The following LDB1 variants were observed in gnomAD, a reference collection of about 807,000 sequenced individuals.
The protein encoded by LDB1 is LIM domain binding 1.
A neutral mutation model predicts 49.7 loss-of-function variants in LDB1; 6 were observed. The ratio of observed to expected loss-of-function variants is 0.12; its 90% CI spans 0.07 to 0.24. The LOEUF (loss-of-function observed/expected upper bound fraction) is 0.24, where lower values mean the gene tolerates loss of function less well. Ranked by LOEUF, LDB1 falls within the 10% of genes least tolerant of loss-of-function variation. LDB1 has a pLI of 1.00. For synonymous variants in LDB1, 233 were observed against 202.0 expected (o/e 1.15, Z -1.30); for missense variants, 341 against 561.7 (o/e 0.61, Z 3.97).
Position 102,109,214 on chromosome 10 carries a change from C to T in LDB1, c.857-37G>A, listed in dbSNP as rs761356336. On this transcript the variant is annotated intron_variant, in intron 9 of 10. Transcript: ENST00000673968. This position sits in a 1 kb window ranked among gnomAD's most constrained non-coding sequence, Gnocchi z 5.8. ...AACGGAGACTCAGATGGGAGAGGGC[C>T]CCAGGTCCCCTATTCTCCATTGTGG... 46 of 1,611,906 alleles carry T rather than the reference C, an allele frequency of 2.9e-5. No individual in the cohort carries two copies. The Admixed American group carries it at 7.7e-4, about 27-fold the overall frequency.
At chr10:102,113,370 C>T (rs776564568) in intron 1 of LDB1, among the ~76,000 whole-genome samples, 5 of 152,176 alleles carry the variant, frequency 3.3e-5, no homozygotes, top group Non-Finnish European at 7.4e-5. Context: ...TTCAGATGCC[C>T]GCAACAGGCC....
rs1357297095 is a variant in LDB1 at position 102,110,604 on chromosome 10, G to C, written c.450C>G (p.Phe150Leu). ...AGTCGAGGGACACAAAGTTGCTGTG[G>C]AATGCCTCCTTGGGGTGCTTAAGAA... ...YYVLKHPKEA[F>L]HSNFVSLDCD... The change falls in exon 6 of 11, where the codon TTC becomes TTG. Residue 150 changes from phenylalanine to leucine, a missense_variant. This residue lies in a region of LDB1 where 233 missense variants were observed against 385.7 expected (regional missense o/e 0.60). Transcript: ENST00000673968. The C allele has an allele frequency of 6.2e-7, 1 of 1,614,052 alleles. No homozygotes were observed. The highest frequency in any genetic ancestry group is 1.1e-5 in the South Asian group (1 of 91,076).
downstream of LDB1, among the ~76,000 whole-genome samples, chr10:102,105,113 A>G (rs954051984): frequency 3.3e-5 from 5 of 151,904 alleles, no homozygotes; most frequent in African/African-American, 9.7e-5. Flanking sequence ...ACATACATAC[A>G]CACACACTCA....
chr10:102,108,825 T>TC, intron 10 of LDB1: 1 of 664,522 alleles, frequency 1.5e-6, no homozygotes, highest in Admixed American at 2.5e-5. Context: ...TGCCCTAGCT[T>TC]CCTATGGCTG....
At chr10:102,115,441 T>TG (rs1183136998) in intron 1 of LDB1, among the ~76,000 whole-genome samples, 1 of 152,170 alleles carries the variant, frequency 6.6e-6, no homozygotes, top group Non-Finnish European at 1.5e-5. Flanking sequence ...CTGGAGCAGC[T>TG]GGGGGGAGAG....
chr10:102,105,658 A>G (rs1457562878), downstream of LDB1, among the ~76,000 whole-genome samples: 2 of 151,796 alleles, frequency 1.3e-5, no homozygotes, highest in African/African-American at 2.4e-5. Flanking sequence ...ACCAGGGGAG[A>G]CTAATTTAGA....
At chr10:102,104,832 C>T (rs1482127318), downstream of LDB1, among the ~76,000 whole-genome samples, 1 of 152,200 alleles carries the variant, frequency 6.6e-6, no homozygotes, top group East Asian at 1.9e-4. Flanking sequence ...ACTGCTAAGC[C>T]ACACATTTAA....
Position 102,109,962 on chromosome 10 carries a change from G to A in LDB1, c.607C>T (p.Gln203Ter). 1 of 1,610,904 alleles carries A rather than the reference G, an allele frequency of 6.2e-7. No homozygotes were observed. ...RIKTWHFSIR[Q>*]HRELIPRSIL... ...CTGCGGGGGATGAGCTCTCGGTGCT[G>A]CCGGATGCTGAAGTGCCACGTCTTT... Residue 203 changes from glutamine (Q) to a stop codon, truncating the protein, a stop_gained, in exon 7 of 11, where the codon CAG (glutamine) becomes TAG (stop). Transcript: ENST00000673968. LOFTEE classifies it high-confidence loss of function. The surrounding 1 kb of genome is among the most constrained non-coding windows in gnomAD (Gnocchi z 5.8).
chr10:102,108,832 G>T (rs2068208190), intron 10 of LDB1, 197 bp downstream of exon 10: 2 of 683,156 alleles, frequency 2.9e-6, no homozygotes, highest in Admixed American at 2.4e-5. Context: ...GCTTCCTATG[G>T]CTGAGTCTGT....
chr10:102,114,723 C>G, intron 1 of LDB1: 1 of 812,420 alleles, frequency 1.2e-6, no homozygotes, highest in Non-Finnish European at 1.5e-6. Context: ...AGGTTTCCCT[C>G]AACAATGGCT....
chr10:102,119,252 C>G (rs529607359), intron 1 of LDB1, among the ~76,000 whole-genome samples: 1 of 152,202 alleles, frequency 6.6e-6, no homozygotes, highest in African/African-American at 2.4e-5. Context: ...CCTCTCCAGT[C>G]GCATGGCTTC....
At chr10:102,114,812 G>GGGGGGCCCCCCCCCCCCCC in intron 1 of LDB1, 137 of 929,756 alleles carry the variant, frequency 1.5e-4, no homozygotes, top group Middle Eastern at 5.5e-4. Context: ...CCTCCGAGCA[G>GGGGGGCCCCCCCCCCCCCC]CCCGCCCGCC....
intron 1 of LDB1, 49 bp from the exon 2 acceptor site, chr10:102,111,585 G>T: frequency 8.9e-7 from 1 of 1,127,452 alleles, no homozygotes; most frequent in Non-Finnish European, 1.3e-6. Flanking sequence ...GCTCACATCT[G>T]TAATCTAGCA....
chr10:102,103,123 A>G (rs1461215504), downstream of LDB1, among the ~76,000 whole-genome samples: 1 of 152,098 alleles, frequency 6.6e-6, no homozygotes, highest in African/African-American at 2.4e-5. Context: ...TCTGCCTCCC[A>G]GGTTCAAGTG....
At chr10:102,103,025 G>A (rs2068130945), downstream of LDB1, among the ~76,000 whole-genome samples, 2 of 152,122 alleles carry the variant, frequency 1.3e-5, no homozygotes, top group South Asian at 4.1e-4. Flanking sequence ...CTAGGGAGCT[G>A]CTGACTCAAT....
At chr10:102,104,530 C>T (rs2068139853), downstream of LDB1, among the ~76,000 whole-genome samples, 2 of 152,082 alleles carry the variant, frequency 1.3e-5, no homozygotes, top group East Asian at 1.9e-4. Flanking sequence ...TTCCCTCACC[C>T]CAGTAATTCC....
chr10:102,120,446 C>A, upstream of LDB1: 5 of 964,760 alleles, frequency 5.2e-6, no homozygotes, highest in South Asian at 1.9e-4. Flanking sequence ...CCCCCCTCTC[C>A]GCCCTCGCGC....
At chr10:102,120,873 G>A (rs907306962), upstream of LDB1, among the ~76,000 whole-genome samples, 4 of 152,152 alleles carry the variant, frequency 2.6e-5, no homozygotes, top group African/African-American at 7.2e-5. Context: ...CGCGCTCCGG[G>A]AGGGAAAAGG....
chr10:102,114,613 G>T, intron 1 of LDB1: 1 of 984,670 alleles, frequency 1.0e-6, no homozygotes, highest in Non-Finnish European at 1.2e-6. Context: ...CCGCTGTCCC[G>T]GGGGAAAGTT....
Sources: gnomAD v4.1 joint callset for allele counts (sites outside exome capture counted in the v4.1 genomes callset) on GRCh38, gnomAD v4.1.1 for gene constraint, gnomAD v4.1.1 regional missense constraint, Gnocchi (gnomAD v3.1) non-coding constraint, MANE v1.5 for transcripts, NCBI Gene and HGNC (gene_info 2026-07-23, HGNC 2026-07-21) for gene names.